LANCL2: variants seen among roughly 807,000 people sequenced by gnomAD.
LANCL2 encodes lanC-like protein 2.
Under a neutral mutation model 56.9 loss-of-function variants are expected in LANCL2, and 33 were observed. The ratio of observed to expected loss-of-function variants is 0.58; its 90% CI spans 0.44 to 0.78. LANCL2 has a LOEUF of 0.78. LANCL2 is among the 30% of genes least tolerant of loss of function. The pLI is 0.00. For synonymous variants in LANCL2, 233 were observed against 228.2 expected, an observed-to-expected ratio of 1.02 and a Z score of -0.19; for missense variants, 562 against 580.2, an observed-to-expected ratio of 0.97 and a Z score of 0.32.
intron 1 of LANCL2, among the ~76,000 whole-genome samples, chr7:55,366,825 C>T (rs1789879780): frequency 6.6e-6 from 1 of 152,200 alleles, no homozygotes; most frequent in African/African-American, 2.4e-5. Context: ...GAAAAAGACA[C>T]AAAGAAATGG....
intron 6 of LANCL2, among the ~76,000 whole-genome samples, chr7:55,417,704 A>G (rs958826380): frequency 1.3e-5 from 2 of 152,032 alleles, no homozygotes; most frequent in Admixed American, 1.3e-4. Flanking sequence ...TTTTTTTGAG[A>G]TGGAGTCTTG....
At chr7:55,403,968 A>G (rs904350817) in intron 5 of LANCL2, among the ~76,000 whole-genome samples, 11 of 152,156 alleles carry the variant, frequency 7.2e-5, no homozygotes, top group African/African-American at 2.7e-4. Flanking sequence ...GCAGAACCCA[A>G]CTGAGGCAGA....
In LANCL2 at chr7:55,428,448, G is replaced by A; in HGVS notation, c.1258+1G>A. The A allele has an allele frequency of 6.2e-7, 1 of 1,612,960 alleles. No individual in the cohort carries two copies. Among genetic ancestry groups the A allele is most frequent in the Non-Finnish European group, 8.5e-7 (1 of 1,178,892 alleles). Reference sequence around the variant, plus strand: ...GACAGACCCTATTCGCTCTTTGAAGGTAAGAGTGAGAAAAATGCTATAGAT... The same window carrying A: ...GACAGACCCTATTCGCTCTTTGAAGATAAGAGTGAGAAAAATGCTATAGAT... On this transcript the variant is annotated splice_donor_variant, in intron 8 of 8. Transcript: ENST00000254770. LOFTEE classifies it high-confidence loss of function.
chr7:55,399,981 T>A lies in LANCL2; in HGVS notation c.555T>A (p.Val185=), dbSNP rs1157298165. 8.1e-6 allele frequency: 13 copies of A among 1,613,162 alleles called. No individual in the cohort carries two copies. The highest frequency in any genetic ancestry group is 1.3e-5 in the African/African-American group (1 of 74,912). ...VTKLLQLQRS[V]VCQESDLPDE... is the part of the protein sequence containing the mutation. ...GACTTTTGCAGCTCCAGAGATCGGT[T>A]GTCTGCCAAGAATCAGACCTTCCTG... The change falls in exon 4 of 9, where the codon GTT becomes GTA. Residue 185 remains valine, a synonymous_variant. Coordinates refer to ENST00000254770, the MANE Select transcript of LANCL2 (RefSeq NM_018697.4).
chr7:55,420,762 G>A (rs1338352285), intron 6 of LANCL2, among the ~76,000 whole-genome samples: 1 of 152,236 alleles, frequency 6.6e-6, no homozygotes, highest in Non-Finnish European at 1.5e-5. Context: ...AGATCAGACT[G>A]TGTGGGCTTG....
At chr7:55,370,199 T>TG (rs1789927500) in intron 1 of LANCL2, among the ~76,000 whole-genome samples, 1 of 152,306 alleles carries the variant, frequency 6.6e-6, no homozygotes, top group East Asian at 1.9e-4. Flanking sequence ...TCTAACCACA[T>TG]GGGCTGCTCC....
intron 1 of LANCL2, among the ~76,000 whole-genome samples, chr7:55,375,834 T>C (rs1525806): frequency 0.35 from 53,443 of 151,996 alleles, 9,872 homozygotes; most frequent in African/African-American, 0.42. Context: ...TGCTGGAGTG[T>C]TCCCCACTTC....
At chr7:55,412,816 T>G (rs1318821068) in intron 6 of LANCL2, among the ~76,000 whole-genome samples, 1 of 152,256 alleles carries the variant, frequency 6.6e-6, no homozygotes, top group Non-Finnish European at 1.5e-5. Context: ...ACACAATGAT[T>G]GCTCTGTTCA....
At chr7:55,377,241 A>G (rs990164302) in intron 1 of LANCL2, among the ~76,000 whole-genome samples, 4 of 152,254 alleles carry the variant, frequency 2.6e-5, no homozygotes, top group Admixed American at 1.3e-4. Flanking sequence ...AGAGAGGTAC[A>G]GAATATGTGT....
intron 6 of LANCL2, among the ~76,000 whole-genome samples, chr7:55,423,971 G>A (rs563929685): frequency 2.0e-5 from 3 of 152,288 alleles, no homozygotes; most frequent in African/African-American, 4.8e-5. Flanking sequence ...ACTGGTCGCA[G>A]TTCTCATGCC....
intron 1 of LANCL2, among the ~76,000 whole-genome samples, chr7:55,386,126 C>T (rs1269459125): frequency 6.6e-6 from 1 of 152,152 alleles, no homozygotes; most frequent in Non-Finnish European, 1.5e-5. Flanking sequence ...CCCAAACACA[C>T]ATGCTGTACA....
chr7:55,388,218 G>A (rs1389780163), intron 1 of LANCL2, among the ~76,000 whole-genome samples: 4 of 152,092 alleles, frequency 2.6e-5, no homozygotes, highest in South Asian at 2.1e-4. Context: ...TTTAAGGCTC[G>A]ACCCCTGGAT....
At chr7:55,374,309 T>C (rs1166567400) in intron 1 of LANCL2, among the ~76,000 whole-genome samples, 1 of 152,262 alleles carries the variant, frequency 6.6e-6, no homozygotes, top group Non-Finnish European at 1.5e-5. Context: ...TTAGGATATG[T>C]AATCTAGAAT....
intron 2 of LANCL2, chr7:55,394,261 C>T (rs1333438874): frequency 6.6e-6 from 1 of 152,194 alleles, no homozygotes; most frequent in East Asian, 1.9e-4. Context: ...CCATACCTCC[C>T]CTAAACTGTG....
At chr7:55,399,468 A>G (rs893822871) in intron 3 of LANCL2, among the ~76,000 whole-genome samples, 1 of 151,630 alleles carries the variant, frequency 6.6e-6, no homozygotes, top group Non-Finnish European at 1.5e-5. Context: ...CTCAGCCTCC[A>G]AAGTAGCTGG....
chr7:55,398,780 C>A lies in LANCL2; in HGVS notation c.530+150C>A, dbSNP rs1790286572. Reference sequence around the variant, plus strand: ...TTAATCTTGAGCATAGTGGTGGGATCATATGCCCTCTTTTTATCCAAGCAT... The same window carrying A: ...TTAATCTTGAGCATAGTGGTGGGATAATATGCCCTCTTTTTATCCAAGCAT... On this transcript the variant is annotated intron_variant, in intron 3 of 8. Coordinates refer to ENST00000254770, the MANE Select transcript of LANCL2 (RefSeq NM_018697.4). 4 of 640,362 alleles carry A rather than the reference C, an allele frequency of 6.2e-6. No individual in the cohort carries two copies. The Admixed American group carries it at 7.8e-5, about 13-fold the overall frequency. 39.7% of individuals were successfully genotyped at this position (640,362 alleles called of 1,614,324 possible).
chr7:55,390,795 C>T (rs1486920455), intron 1 of LANCL2, among the ~76,000 whole-genome samples: 1 of 150,988 alleles, frequency 6.6e-6, no homozygotes, highest in Admixed American at 6.6e-5. Flanking sequence ...AAAAAATCAG[C>T]AAAGGTAGGA....
At chr7:55,389,155 C>A (rs1356912019) in intron 1 of LANCL2, among the ~76,000 whole-genome samples, 2 of 152,168 alleles carry the variant, frequency 1.3e-5, no homozygotes, top group African/African-American at 4.8e-5. Context: ...CTGTGTTACA[C>A]AAGAAAGTTA....
intron 1 of LANCL2, among the ~76,000 whole-genome samples, chr7:55,377,707 C>T (rs932966701): frequency 6.6e-6 from 1 of 152,154 alleles, no homozygotes; most frequent in African/African-American, 2.4e-5. Flanking sequence ...TACACTTGGG[C>T]ATTCTTGTTT....
Sources: gnomAD v4.1 joint callset for allele counts (sites outside exome capture counted in the v4.1 genomes callset) on GRCh38, gnomAD v4.1.1 for gene constraint, MANE v1.5 for transcripts, NCBI Gene and HGNC (gene_info 2026-07-23, HGNC 2026-07-21) for gene names.